The following CREB5 variants were observed in gnomAD, a reference collection of about 807,000 sequenced individuals.
CREB5 encodes the protein cAMP responsive element binding protein 5.
A neutral mutation model predicts 57.1 loss-of-function variants in CREB5; 19 were observed. The ratio of observed to expected loss-of-function variants is 0.33; its 90% CI spans 0.23 to 0.49. The LOEUF is 0.49. CREB5 is among the 20% of genes least tolerant of loss of function. The pLI is 0.99. For synonymous variants in CREB5, 238 were observed against 238.3 expected (o/e 1.00, Z 0.01); for missense variants, 579 against 671.6 (o/e 0.86, Z 1.52).
intron 5 of CREB5, among the ~76,000 whole-genome samples, chr7:28,677,724 T>G (rs752736880): frequency 4.2e-4 from 64 of 152,100 alleles, no homozygotes; most frequent in Non-Finnish European, 7.9e-4. Flanking sequence ...AAGAAAGGAA[T>G]TGGCCGAGTG....
rs113876730 is a variant in CREB5 at position 28,552,862 on chromosome 7, C to A, written c.292-17503C>A. 5.1e-3 allele frequency among the ~76,000 whole-genome samples: 776 copies of A among 152,290 alleles called. 10 individuals carry two copies. Among genetic ancestry groups the A allele is most frequent in the African/African-American group, 0.018 (753 of 41,542 alleles). On this transcript the variant is annotated intron_variant, in intron 4 of 10. Transcript: ENST00000357727. ...GGTAGGCATGATCCTGGAAATGTTTCTTACACATTAGATTACTAAAACTGC... is the reference window on the plus strand; with the variant it reads ...GGTAGGCATGATCCTGGAAATGTTTATTACACATTAGATTACTAAAACTGC...
intron 4 of CREB5, among the ~76,000 whole-genome samples, chr7:28,554,777 CCCTT>C: frequency 6.6e-6 from 1 of 152,302 alleles, no homozygotes; most frequent in Non-Finnish European, 1.5e-5. Flanking sequence ...TTTTAAGTGA[CCCTT>C]TATTTGGCTA....
chr7:28,817,368 AG>A (rs1362586414), intron 9 of CREB5, among the ~76,000 whole-genome samples: 1 of 152,174 alleles, frequency 6.6e-6, no homozygotes, highest in African/African-American at 2.4e-5. Flanking sequence ...ACAGTAATTG[AG>A]TAGGAGATGG....
intron 1 of CREB5, among the ~76,000 whole-genome samples, chr7:28,348,697 T>C (rs1226297173): frequency 6.6e-6 from 1 of 152,158 alleles, no homozygotes; most frequent in African/African-American, 2.4e-5. Flanking sequence ...ATGACCTTTT[T>C]CCTAAAGGGT....
intron 7 of CREB5, among the ~76,000 whole-genome samples, chr7:28,797,725 T>A (rs1808130762): frequency 6.6e-6 from 1 of 152,242 alleles, no homozygotes; most frequent in South Asian, 2.1e-4. Context: ...TTTGGGGATC[T>A]AAGCTGGCCA....
At chr7:28,559,993 A>C (rs1331753851) in intron 4 of CREB5, among the ~76,000 whole-genome samples, 2 of 152,214 alleles carry the variant, frequency 1.3e-5, no homozygotes, top group Non-Finnish European at 2.9e-5. Flanking sequence ...TGAAAAGGGG[A>C]GAGGAAGCTA....
At chr7:28,541,409 T>TG (rs1484974568) in intron 4 of CREB5, among the ~76,000 whole-genome samples, 1 of 152,200 alleles carries the variant, frequency 6.6e-6, no homozygotes. Flanking sequence ...GGCTCACACC[T>TG]GTAATCCCAG....
In CREB5 at chr7:28,560,924, G is replaced by GTGTGCGTGCGCGCGTGCGTGCA. The variant is rs1562797864; in HGVS notation, c.292-9441_292-9440insTGTGCGTGCGCGCGTGCGTGCA. ...TGCGCGCGTGCGTGTGCGTGTGTGC[G>GTGTGCGTGCGCGCGTGCGTGCA]CGTGCGTGTGTGCGTGCGTGTGTGT... On this transcript the variant is annotated intron_variant, in intron 4 of 10. Transcript: ENST00000357727. Among the ~76,000 whole-genome samples the GTGTGCGTGCGCGCGTGCGTGCA allele has an allele frequency of 4.3e-4, 27 of 63,528 alleles. 1 individual carries two copies. Among genetic ancestry groups the GTGTGCGTGCGCGCGTGCGTGCA allele is most frequent in the African/African-American group, 2.2e-3 (26 of 11,624 alleles). The allele number at this position is 63,528 out of a possible 152,430, so 41.7% of individuals were successfully genotyped here. A position where few individuals can be genotyped will look rare whatever the true frequency, so the allele number is the denominator to read the frequency against.
At chr7:28,303,199 T>C (rs187875815) in intron 1 of CREB5, among the ~76,000 whole-genome samples, 2 of 150,506 alleles carry the variant, frequency 1.3e-5, no homozygotes, top group East Asian at 2.0e-4. Context: ...GTTTGTACAA[T>C]ATATGTTTAG....
chr7:28,524,827 T>C (rs1011265051), intron 4 of CREB5, among the ~76,000 whole-genome samples: 8 of 152,240 alleles, frequency 5.3e-5, no homozygotes, highest in African/African-American at 1.9e-4. Flanking sequence ...ACCATTTCTT[T>C]GGAGAACATT....
At chr7:28,651,043 G>T (rs564838447) in intron 5 of CREB5, among the ~76,000 whole-genome samples, 3 of 152,032 alleles carry the variant, frequency 2.0e-5, no homozygotes, top group Non-Finnish European at 4.4e-5. Context: ...GGGAGAATGG[G>T]AATATAAAGA....
At chr7:28,606,439 C>T (rs369834893) in intron 5 of CREB5, among the ~76,000 whole-genome samples, 1 of 152,172 alleles carries the variant, frequency 6.6e-6, no homozygotes, top group African/African-American at 2.4e-5. Flanking sequence ...TCATATGAGC[C>T]TCCTGGCAGA....
intron 5 of CREB5, among the ~76,000 whole-genome samples, chr7:28,661,550 C>G (rs893583890): frequency 5.3e-5 from 8 of 152,014 alleles, no homozygotes; most frequent in Non-Finnish European, 1.2e-4. Context: ...TTTCTCTGGG[C>G]TATGTGCATG....
At chr7:28,674,168 T>G (rs1217203354) in intron 5 of CREB5, among the ~76,000 whole-genome samples, 1 of 152,128 alleles carries the variant, frequency 6.6e-6, no homozygotes, top group East Asian at 1.9e-4. Flanking sequence ...TCAAATTTTC[T>G]GCATTACAAG....
At chr7:28,682,382 G>T (rs1255712476) in intron 5 of CREB5, among the ~76,000 whole-genome samples, 3 of 152,224 alleles carry the variant, frequency 2.0e-5, no homozygotes, top group Non-Finnish European at 2.9e-5. Context: ...CCATGTGGGT[G>T]TGCAGTGGTC....
At chr7:28,587,103 A>T (rs1320740765) in intron 5 of CREB5, among the ~76,000 whole-genome samples, 2 of 152,268 alleles carry the variant, frequency 1.3e-5, no homozygotes, top group African/African-American at 2.4e-5. Context: ...ATTCTAAATC[A>T]TTCATGTATT....
intron 1 of CREB5, among the ~76,000 whole-genome samples, chr7:28,320,120 G>A (rs1304888965): frequency 1.3e-5 from 2 of 151,686 alleles, no homozygotes; most frequent in Non-Finnish European, 2.9e-5. Flanking sequence ...TAGTAGAGAC[G>A]GGGTTTCGCC....
At chr7:28,323,797 T>C (rs1408014375) in intron 1 of CREB5, among the ~76,000 whole-genome samples, 1 of 152,206 alleles carries the variant, frequency 6.6e-6, no homozygotes, top group East Asian at 1.9e-4. Context: ...TAATATATAA[T>C]GAAATAACTA....
rs1040311355 is a variant in CREB5 at position 28,446,519 on chromosome 7, G to A, written c.3+33602G>A. On this transcript the variant is annotated intron_variant, in intron 1 of 10. Transcript: ENST00000357727. ...TAAAATAATAATTGTAGGTCCGGGCGTGGTGGCTCACACCTGTAATCCCAG... is the reference window on the plus strand; with the variant it reads ...TAAAATAATAATTGTAGGTCCGGGCATGGTGGCTCACACCTGTAATCCCAG... Among the ~76,000 whole-genome samples the A allele has an allele frequency of 1.4e-4, 22 of 152,158 alleles. No individual in the cohort carries two copies. In the South Asian group the frequency reaches 1.9e-3, roughly 13 times the overall value.
Sources: gnomAD v4.1 joint callset for allele counts (sites outside exome capture counted in the v4.1 genomes callset) on GRCh38, gnomAD v4.1.1 for gene constraint, MANE v1.5 for transcripts, NCBI Gene and HGNC (gene_info 2026-07-23, HGNC 2026-07-21) for gene names.